EMILIN1: variants seen among roughly 807,000 people sequenced by gnomAD.
The protein encoded by EMILIN1 is elastin microfibril interfacer 1.
A neutral mutation model predicts 82.4 loss-of-function variants in EMILIN1; 49 were observed. The ratio of observed to expected loss-of-function variants is 0.59; its 90% confidence interval spans 0.47 to 0.75. The LOEUF is 0.75. Among genes scored for constraint, EMILIN1 ranks in the 30% least tolerant of loss-of-function variants. The probability of loss-of-function intolerance (pLI) is 0.00; values close to 1 mark genes in which losing one functional copy is unlikely to be tolerated. For missense variants in EMILIN1, 1,313 were observed against 1,366.4 expected, an observed-to-expected ratio of 0.96 and a Z score of 0.62; for synonymous variants, 604 against 602.2, an observed-to-expected ratio of 1.00 and a Z score of -0.04.
intron 4 of EMILIN1, 143 bp downstream of exon 4, chr2:27,084,154 T>C (rs1013801349): frequency 2.9e-6 from 3 of 1,023,934 alleles, no homozygotes; most frequent in Non-Finnish European, 2.7e-6. Flanking sequence ...CCAGGTGTTA[T>C]AGTTTGCCTG....
Position 27,083,290 on chromosome 2 carries a change from G to A in EMILIN1, c.1719G>A (p.Leu573=), listed in dbSNP as rs1172607586. ...CCCGGCTAGGCCAACTGGAGGGGCT[G>A]CTGCAGGCCCATGGGGATGAGGGCT... ...TAARLGQLEG[L]LQAHGDEGCG... The change falls in exon 4 of 8, where the codon CTG becomes CTA. Residue 573 remains leucine (L), a synonymous_variant. Transcript: ENST00000380320. The A allele has an allele frequency of 1.2e-6, 2 of 1,613,136 alleles. No individual in the cohort carries two copies. Among genetic ancestry groups the A allele is most frequent in the Non-Finnish European group, 1.7e-6 (2 of 1,179,738 alleles).
Position 27,083,991 on chromosome 2 carries a change from T to C in EMILIN1, c.2420T>C (p.Leu807Pro). The C allele has an allele frequency of 6.6e-7, 1 of 1,520,226 alleles. No individual in the cohort carries two copies. The highest frequency in any genetic ancestry group is 8.8e-7 in the Non-Finnish European group (1 of 1,130,362). The allele number at this position is 1,520,226 out of a possible 1,614,324, so 94.2% of individuals were successfully genotyped here. A position where few individuals can be genotyped will look rare whatever the true frequency, so the allele number is the denominator to read the frequency against. ...CTCCTGGAGGACCGTCTGCACCAGC[T>C]CAGCCTGAAGGACCTCACTGGTGAG... ...LQLLEDRLHQ[L>P]SLKDLTGPAG... The change falls in exon 4 of 8, where the codon CTC becomes CCC. Residue 807 changes from leucine to proline, a missense_variant. Transcript: ENST00000380320.
At position 27,085,902 on chromosome 2, in the gene EMILIN1, G is replaced by C. The variant is rs752082598; in HGVS notation, c.2938G>C (p.Gly980Arg). The C allele has an allele frequency of 6.4e-7, 1 of 1,566,950 alleles. No individual in the cohort carries two copies. The highest frequency in any genetic ancestry group is 8.7e-7 in the Non-Finnish European group (1 of 1,153,526). Residue 980 changes from glycine (G) to arginine (R), a missense_variant, in exon 8 of 8, where the codon GGG (glycine) becomes CGG (arginine). Coordinates refer to ENST00000380320, the MANE Select transcript of EMILIN1 (RefSeq NM_007046.4). ...VFSLILPLQA[G>R]DTVCVDLVMG... ...CAGCCTCATCCTGCCGCTGCAGGCC[G>C]GGGACACGGTCTGCGTCGACCTGGT...
intron 1 of EMILIN1, among the ~76,000 whole-genome samples, chr2:27,079,882 A>G (rs930747860): frequency 6.6e-6 from 1 of 152,176 alleles, no homozygotes; most frequent in Non-Finnish European, 1.5e-5. Flanking sequence ...GTACATTCAG[A>G]GGCTCCCCGG....
chr2:27,085,694 A>C lies in EMILIN1; in HGVS notation c.2730A>C (p.Pro910=). The change falls in exon 8 of 8, where the codon CCA becomes CCC. Residue 910 remains proline (P), a synonymous_variant. Coordinates refer to ENST00000380320, the MANE Select transcript of EMILIN1 (RefSeq NM_007046.4). ...TGTCCCCAGGCGTGTTCACAGCGCC[A>C]CTGGCTGGACGCTACTTGCTGAGCG... is the stretch of plus-strand genomic sequence containing the variant. The part of the protein sequence containing the change: ...YDPETGVFTA[P]LAGRYLLSAV... The C allele has an allele frequency of 6.2e-7, 1 of 1,600,142 alleles. No individual in the cohort carries two copies. The highest frequency in any genetic ancestry group is 1.1e-5 in the South Asian group (1 of 90,806).
Position 27,084,150 on chromosome 2 carries a change from G to A in EMILIN1, c.2440+139G>A, listed in dbSNP as rs1321524788. On this transcript the variant is annotated intron_variant, in intron 4 of 7. Transcript: ENST00000380320. ...TGCAGCCCCAGCCAGTATTCCAGGTGTTATAGTTTGCCTGCAAGAGATGAT... is the reference window on the plus strand; with the variant it reads ...TGCAGCCCCAGCCAGTATTCCAGGTATTATAGTTTGCCTGCAAGAGATGAT... 1.2e-5 allele frequency: 13 copies of A among 1,046,094 alleles called. No individual in the cohort carries two copies. The African/African-American group carries it at 1.8e-4, about 14-fold the overall frequency. 64.8% of individuals were successfully genotyped at this position (1,046,094 alleles called of 1,614,324 possible).
intron 5 of EMILIN1, among the ~76,000 whole-genome samples, 162 bp downstream of exon 5, chr2:27,084,693 C>A (rs1669560566): frequency 6.6e-6 from 1 of 152,236 alleles, no homozygotes; most frequent in African/African-American, 2.4e-5. Context: ...TGAGGAGGAA[C>A]TGTGATAGTC....
At chr2:27,084,061 C>G in intron 4 of EMILIN1, 50 bp downstream of exon 4, 2 of 1,427,068 alleles carry the variant, frequency 1.4e-6, no homozygotes, top group Non-Finnish European at 1.8e-6. Flanking sequence ...CCTTATTTTT[C>G]TTCTCCCTCC....
intron 3 of EMILIN1, among the ~76,000 whole-genome samples, chr2:27,081,561 T>A (rs1244042045): frequency 6.6e-6 from 1 of 152,194 alleles, no homozygotes; most frequent in Non-Finnish European, 1.5e-5. Context: ...CCCCGTGGTG[T>A]TGCAGGGAAG....
chr2:27,083,353 C>A lies in EMILIN1; in HGVS notation c.1782C>A (p.Arg594=). Reference sequence around the variant, plus strand: ...GCGGAGTCCAAGAGGAACTAGGCCGCCTTCGGGATGGTGTGGAGCGCTGCT... The same window carrying A: ...GCGGAGTCCAAGAGGAACTAGGCCGACTTCGGGATGGTGTGGAGCGCTGCT... ...ACGGVQEELG[R]LRDGVERCSC... Residue 594 remains arginine, a synonymous_variant, in exon 4 of 8, where the codon CGC becomes CGA. Coordinates refer to ENST00000380320, the MANE Select transcript of EMILIN1 (RefSeq NM_007046.4). The A allele has an allele frequency of 6.2e-7, 1 of 1,613,016 alleles. No homozygotes were observed. Among genetic ancestry groups the A allele is most frequent in the Non-Finnish European group, 8.5e-7 (1 of 1,179,924 alleles).
rs1263435891 is a variant in EMILIN1 at position 27,080,852 on chromosome 2, G to A, written c.411G>A (p.Leu137=). The change falls in exon 3 of 8, where the codon CTG becomes CTA. Residue 137 remains leucine (L), a synonymous_variant. Transcript: ENST00000380320. ...GTGCTGAGAGTCCCGCTCCAGCGCT[G>A]GGGCCTGCGTCTTCCACACCACGGC... ...DDCAESPAPA[L]GPASSTPRPL... 7 of 1,611,852 alleles carry A rather than the reference G, an allele frequency of 4.3e-6. No homozygotes were observed. The East Asian group carries it at 1.3e-4, about 31-fold the overall frequency.
At chr2:27,085,443 C>G (rs1260880402) in intron 7 of EMILIN1, 146 bp downstream of exon 7, 6 of 1,079,148 alleles carry the variant, frequency 5.6e-6, no homozygotes, top group Non-Finnish European at 8.1e-6. Context: ...TATTCATTCT[C>G]AGGCAGTGGG....
chr2:27,083,785 C>T lies in EMILIN1; in HGVS notation c.2214C>T (p.Asp738=). The T allele has an allele frequency of 6.2e-7, 1 of 1,606,776 alleles. No homozygotes were observed. Among genetic ancestry groups the T allele is most frequent in the East Asian group, 2.2e-5 (1 of 44,602 alleles). ...GRLEGVCERL[D]TVAGGLQGLR... ...TTGAGGGTGTCTGTGAACGGTTGGA[C>T]ACTGTGGCTGGGGGACTGCAGGGCC... Residue 738 remains aspartate, a synonymous_variant, in exon 4 of 8, where the codon GAC becomes GAT. Coordinates refer to ENST00000380320, the MANE Select transcript of EMILIN1 (RefSeq NM_007046.4).
chr2:27,082,582 A>G lies in EMILIN1; in HGVS notation c.1011A>G (p.Gln337=). 1 of 1,542,622 alleles carries G rather than the reference A, an allele frequency of 6.5e-7. No homozygotes were observed. Among genetic ancestry groups the G allele is most frequent in the Non-Finnish European group, 8.7e-7 (1 of 1,145,202 alleles). ...EKLLASVEER[Q]RHLAGLAVGR... is the part of the protein sequence containing the mutation. Reference sequence around the variant, plus strand: ...TGCTGGCCTCGGTGGAGGAGCGGCAACGGCACCTCGCAGGGCTGGCGGTGG... The same window carrying G: ...TGCTGGCCTCGGTGGAGGAGCGGCAGCGGCACCTCGCAGGGCTGGCGGTGG... The change falls in exon 4 of 8, where the codon CAA becomes CAG. Residue 337 remains glutamine, a synonymous_variant. Coordinates refer to ENST00000380320, the MANE Select transcript of EMILIN1 (RefSeq NM_007046.4).
rs564481061 is a variant in EMILIN1 at position 27,083,786 on chromosome 2, A to T, written c.2215A>T (p.Thr739Ser). ...TGAGGGTGTCTGTGAACGGTTGGAC[A>T]CTGTGGCTGGGGGACTGCAGGGCCT... ...RLEGVCERLD[T>S]VAGGLQGLRE... Residue 739 changes from threonine to serine, a missense_variant, in exon 4 of 8, where the codon ACT (threonine) becomes TCT (serine). Thr to Ser is a moderately conservative substitution (Grantham distance 58). Transcript: ENST00000380320. 42 of 1,606,554 alleles carry T rather than the reference A, an allele frequency of 2.6e-5. No homozygotes were observed. Among genetic ancestry groups the T allele is most frequent in the Non-Finnish European group, 3.6e-5 (42 of 1,173,880 alleles).
Position 27,085,988 on chromosome 2 carries a change from T to A in EMILIN1, c.3024T>A (p.Tyr1008Ter), listed in dbSNP as rs1669622541. ...PLTIFSGALLYGDPELEHA is the reference protein window; with the variant it reads ...PLTIFSGALL ...CCATCTTCAGCGGGGCCCTGCTCTA[T>A]GGGGACCCAGAGCTTGAACACGCGT... The change falls in exon 8 of 8, where the codon TAT (tyrosine) becomes TAA (stop). Residue 1008 changes from tyrosine to a stop codon, truncating the protein, a stop_gained. Transcript: ENST00000380320. LOFTEE classifies it high-confidence loss of function. The A allele has an allele frequency of 6.8e-7, 1 of 1,472,926 alleles. No individual in the cohort carries two copies. The highest frequency in any genetic ancestry group is 1.4e-5 in the African/African-American group (1 of 71,126). 91.2% of individuals were successfully genotyped at this position (1,472,926 alleles called of 1,614,324 possible).
rs996226211 is a variant in EMILIN1, at chr2:27,079,004, C to T, written c.-62C>T. The T allele has an allele frequency of 3.8e-5, 51 of 1,329,444 alleles. 1 individual carries two copies. The Middle Eastern group carries it at 1.0e-3, about 26-fold the overall frequency. The allele number at this position is 1,329,444 out of a possible 1,614,324, so 82.4% of individuals were successfully genotyped here. On this transcript the variant is annotated 5_prime_UTR_variant, in exon 1 of 8. Coordinates refer to ENST00000380320, the MANE Select transcript of EMILIN1 (RefSeq NM_007046.4). Reference sequence around the variant, plus strand: ...TGTGGAGCAGCAGCATCCCCGGGGCCGGCAGAGGCGCCAGTGGCTGGGCGG... The same window carrying T: ...TGTGGAGCAGCAGCATCCCCGGGGCTGGCAGAGGCGCCAGTGGCTGGGCGG...
At position 27,086,364 on chromosome 2, in the gene EMILIN1, A is replaced by C; in HGVS notation, c.*349A>C. The C allele has an allele frequency of 1.1e-4, 27 of 235,018 alleles. No homozygotes were observed. The highest frequency in any genetic ancestry group is 1.2e-3 in the Middle Eastern group (1 of 812). 14.6% of individuals were successfully genotyped at this position (235,018 alleles called of 1,614,324 possible). A position where few individuals can be genotyped will look rare whatever the true frequency, so the allele number is the denominator to read the frequency against. On this transcript the variant is annotated 3_prime_UTR_variant, in exon 8 of 8. Coordinates refer to ENST00000380320, the MANE Select transcript of EMILIN1 (RefSeq NM_007046.4). ...CGGGCGCCGCCCACCGCCATACTAA[A>C]CGATCGAGGAATAAAGACACTTGGT... is the stretch of plus-strand genomic sequence containing the variant.
In EMILIN1 at chr2:27,080,200, G is replaced by A. The variant is rs747317330; in HGVS notation, c.220G>A (p.Asp74Asn). 6.2e-7 allele frequency: 1 copy of A among 1,614,170 alleles called. No homozygotes were observed. Among genetic ancestry groups the A allele is most frequent in the Non-Finnish European group, 8.5e-7 (1 of 1,179,986 alleles). Residue 74 changes from aspartate (D) to asparagine (N), a missense_variant, in exon 2 of 8, where the codon GAT becomes AAT. Coordinates refer to ENST00000380320, the MANE Select transcript of EMILIN1 (RefSeq NM_007046.4). ...VTRTVSCVLE[D>N]GVETYVKYQP... ...CCGGACAGTGAGCTGTGTCCTTGAGGATGGAGTGGAGACATATGTCAAGTA... is the reference window on the plus strand; with the variant it reads ...CCGGACAGTGAGCTGTGTCCTTGAGAATGGAGTGGAGACATATGTCAAGTA...
Sources: allele counts gnomAD v4.1 joint callset (sites outside exome capture counted in the v4.1 genomes callset), GRCh38; gene constraint gnomAD v4.1.1; transcripts MANE v1.5; gene names NCBI Gene and HGNC (gene_info 2026-07-23, HGNC 2026-07-21).